Variants in PTGR1 observed in about 807,000 individuals in gnomAD.
PTGR1 encodes prostaglandin reductase 1.
PTGR1 carries 23 observed loss-of-function variants against 37.7 expected under a neutral mutation model. The observed-to-expected ratio is 0.61, with a 90% CI of 0.44 to 0.86. PTGR1 has a LOEUF of 0.86. Among genes scored for constraint, PTGR1 ranks in the 40% least tolerant of loss-of-function variants. PTGR1 has a pLI of 0.00. For missense variants in PTGR1, 351 were observed against 394.3 expected (o/e 0.89, Z 0.93); for synonymous variants, 134 against 140.0 (o/e 0.96, Z 0.30).
chr9:111,551,518 C>G (rs746461745), intron 9 of PTGR1, among the ~76,000 whole-genome samples: 20 of 148,194 alleles, frequency 1.3e-4, no homozygotes, highest in Non-Finnish European at 2.5e-4. Context: ...AGCAATTCTC[C>G]TGCTTCAGCC....
intron 7 of PTGR1, among the ~76,000 whole-genome samples, chr9:111,575,996 A>G (rs1023167922): frequency 6.6e-6 from 1 of 152,022 alleles, no homozygotes; most frequent in Non-Finnish European, 1.5e-5. Flanking sequence ...TCTACAAAAA[A>G]AAAATACATA....
chr9:111,593,281 C>T (rs546998628), intron 3 of PTGR1, among the ~76,000 whole-genome samples: 1 of 152,104 alleles, frequency 6.6e-6, no homozygotes, highest in African/African-American at 2.4e-5. Context: ...GAATTTCTAC[C>T]AATGACTTTA....
intron 6 of PTGR1, among the ~76,000 whole-genome samples, chr9:111,580,755 CAA>C (rs79876761): frequency 1.1e-4 from 13 of 115,542 alleles, no homozygotes; most frequent in Admixed American, 9.5e-5. Flanking sequence ...AACTCCATCT[CAA>C]AAAAAAAAAA....
intron 5 of PTGR1, among the ~76,000 whole-genome samples, chr9:111,584,539 G>C (rs2132411476): frequency 6.6e-6 from 1 of 151,794 alleles, no homozygotes; most frequent in East Asian, 1.9e-4. Flanking sequence ...GTACATAGGA[G>C]TTGTTTTTGT....
intron 9 of PTGR1, among the ~76,000 whole-genome samples, chr9:111,550,282 T>C (rs1290260230): frequency 5.3e-5 from 8 of 152,230 alleles, no homozygotes; most frequent in Non-Finnish European, 1.2e-4. Context: ...GAAGCCACTT[T>C]AGCCAGTTGG....
At chr9:111,587,641 G>A (rs761457543) in intron 4 of PTGR1, among the ~76,000 whole-genome samples, 1 of 151,964 alleles carries the variant, frequency 6.6e-6, no homozygotes, top group South Asian at 2.1e-4. Flanking sequence ...TAGTAGAGAC[G>A]GGGTTTTGCC....
intron 9 of PTGR1, among the ~76,000 whole-genome samples, chr9:111,556,730 T>C (rs956291416): frequency 2.0e-5 from 3 of 152,212 alleles, no homozygotes; most frequent in Non-Finnish European, 4.4e-5. Context: ...TCTGGTTGTT[T>C]AGAAGTGTGT....
intron 7 of PTGR1, among the ~76,000 whole-genome samples, chr9:111,578,191 C>T (rs1300363689): frequency 6.6e-6 from 1 of 152,092 alleles, no homozygotes; most frequent in Non-Finnish European, 1.5e-5. Flanking sequence ...AATATATTCC[C>T]TTGTATCAGC....
chr9:111,570,614 T>TAA (rs75586959), intron 8 of PTGR1, among the ~76,000 whole-genome samples: 1 of 138,974 alleles, frequency 7.2e-6, no homozygotes, highest in Admixed American at 7.2e-5. Flanking sequence ...TTCTAAAAAT[T>TAA]AAAAAAAAAA....
intron 4 of PTGR1, among the ~76,000 whole-genome samples, chr9:111,587,377 A>G (rs1564620747): frequency 6.6e-6 from 1 of 152,236 alleles, no homozygotes; most frequent in Non-Finnish European, 1.5e-5. Context: ...TGACAGCACA[A>G]AGACAACTGC....
chr9:111,589,667 C>A (rs1446734825), intron 4 of PTGR1, among the ~76,000 whole-genome samples: 1 of 151,464 alleles, frequency 6.6e-6, no homozygotes, highest in Non-Finnish European at 1.5e-5. Flanking sequence ...GATGGAGTCT[C>A]ACTCTATCAT....
chr9:111,574,923 T>C (rs1828992928), intron 7 of PTGR1, 81 bp from the exon 8 acceptor site: 1 of 1,086,558 alleles, frequency 9.2e-7, no homozygotes. Context: ...AAGCATTATT[T>C]TACAATACCT....
At chr9:111,592,868 A>T in intron 4 of PTGR1, 58 bp downstream of exon 4, 1 of 1,587,256 alleles carries the variant, frequency 6.3e-7, no homozygotes, top group Non-Finnish European at 8.6e-7. Flanking sequence ...GACAGGACCC[A>T]GCAGGAGGTA....
At chr9:111,573,623 A>G (rs990945186) in intron 8 of PTGR1, among the ~76,000 whole-genome samples, 5 of 152,118 alleles carry the variant, frequency 3.3e-5, no homozygotes, top group African/African-American at 1.2e-4. Context: ...TCTTAATAGC[A>G]CAGAATCACT....
At chr9:111,598,299 T>A (rs997177899) in intron 1 of PTGR1, among the ~76,000 whole-genome samples, 1 of 152,160 alleles carries the variant, frequency 6.6e-6, no homozygotes, top group Non-Finnish European at 1.5e-5. Flanking sequence ...ACTTGGGACC[T>A]GCGCCTTCCC....
downstream of PTGR1, among the ~76,000 whole-genome samples, chr9:111,561,981 G>A (rs1223736207): frequency 6.7e-6 from 1 of 150,350 alleles, no homozygotes. Context: ...TGCCTCCTGG[G>A]CTCAAGCGAT....
At chr9:111,578,743 C>G in intron 7 of PTGR1, 53 bp downstream of exon 7, 1 of 1,504,652 alleles carries the variant, frequency 6.6e-7, no homozygotes, top group South Asian at 1.3e-5. Flanking sequence ...GAGACTCCTG[C>G]TTTATATAGT....
intron 9 of PTGR1, among the ~76,000 whole-genome samples, chr9:111,565,725 A>G (rs1564610738): frequency 6.6e-6 from 1 of 151,920 alleles, no homozygotes; most frequent in Non-Finnish European, 1.5e-5. Flanking sequence ...GAGTCTCATT[A>G]TGTTGCCAGG....
Position 111,550,085 on chromosome 9 carries a change from G to A in PTGR1, c.880-286C>T, listed in dbSNP as rs192590768. ...TTTGTGTTGTGTGTTTTTTGTTTTC[G>A]TTTTTGTTTTACTGTCATAGGCTGT... On this transcript the variant is annotated intron_variant, in intron 9 of 9. Coordinates refer to the PTGR1 transcript ENST00000538962. Among the ~76,000 whole-genome samples, 14 of 152,002 alleles carry A rather than the reference G, an allele frequency of 9.2e-5. No homozygotes were observed. In the East Asian group the frequency reaches 2.1e-3, roughly 23 times the overall value.
Sources: allele counts gnomAD v4.1 joint callset (sites outside exome capture counted in the v4.1 genomes callset), GRCh38; gene constraint gnomAD v4.1.1; transcripts MANE v1.5; gene names NCBI Gene and HGNC (gene_info 2026-07-23, HGNC 2026-07-21).